Variants in MRC2 observed in about 807,000 individuals in gnomAD.
MRC2 encodes C-type mannose receptor 2.
In MRC2, 84 loss-of-function variants were observed where a neutral mutation model predicts 206.2. The observed-to-expected ratio is 0.41, with a 90% confidence interval of 0.34 to 0.49. The LOEUF is 0.49. Among genes scored for constraint, MRC2 ranks in the 20% least tolerant of loss-of-function variants. MRC2 has a pLI of 0.31. For missense variants in MRC2, 1,676 were observed against 2,001.5 expected, an observed-to-expected ratio of 0.84 and a Z score of 3.10; for synonymous variants, 798 against 800.0, an observed-to-expected ratio of 1.00 and a Z score of 0.04.
At chr17:62,678,233 T>C (rs750537837) in intron 12 of MRC2, among the ~76,000 whole-genome samples, 2 of 152,186 alleles carry the variant, frequency 1.3e-5, no homozygotes, top group Non-Finnish European at 1.5e-5. Context: ...AAGAAGGGAC[T>C]TACCCACGTT....
chr17:62,691,355 CCT>C (rs1329807389), intron 28 of MRC2, among the ~76,000 whole-genome samples: 1 of 152,196 alleles, frequency 6.6e-6, no homozygotes, highest in African/African-American at 2.4e-5. Flanking sequence ...TCAGCAACCC[CCT>C]GTCACTTTGT....
chr17:62,649,254 C>A (rs902402821), intron 1 of MRC2, among the ~76,000 whole-genome samples: 4 of 152,218 alleles, frequency 2.6e-5, no homozygotes, highest in Non-Finnish European at 4.4e-5. Context: ...AAAGGGAGAT[C>A]TTGAAGGTTC....
At chr17:62,654,448 C>T (rs1375463487) in intron 1 of MRC2, among the ~76,000 whole-genome samples, 3 of 151,822 alleles carry the variant, frequency 2.0e-5, no homozygotes, top group Non-Finnish European at 4.4e-5. Flanking sequence ...GTTGAGAGTC[C>T]GCTGCATGCC....
chr17:62,677,862 T>C (rs568873346), intron 12 of MRC2, among the ~76,000 whole-genome samples: 58 of 152,118 alleles, frequency 3.8e-4, no homozygotes, highest in Middle Eastern at 6.8e-3. Flanking sequence ...CCATCCTGGC[T>C]AACATGGTGA....
intron 1 of MRC2, 116 bp downstream of exon 1, chr17:62,628,036 CGTGT>C: frequency 1.6e-6 from 1 of 641,354 alleles, no homozygotes; most frequent in Non-Finnish European, 2.3e-6. Context: ...AGCGTGTGTG[CGTGT>C]GTGTGTGACT....
chr17:62,678,689 C>G (rs1317830099), intron 13 of MRC2, 43 bp downstream of exon 13: 1 of 1,584,182 alleles, frequency 6.3e-7, no homozygotes, highest in Non-Finnish European at 8.5e-7. Context: ...CACCCGCACA[C>G]GTGTAGGAGC....
chr17:62,633,126 T>A (rs1324059998), intron 1 of MRC2, among the ~76,000 whole-genome samples: 2 of 152,172 alleles, frequency 1.3e-5, no homozygotes, highest in African/African-American at 4.8e-5. Flanking sequence ...AATGAGATCA[T>A]GAACGTATGA....
chr17:62,673,830 A>T (rs1348014530), intron 8 of MRC2, among the ~76,000 whole-genome samples: 1 of 152,116 alleles, frequency 6.6e-6, no homozygotes, highest in African/African-American at 2.4e-5. Context: ...TCCCATTTAG[A>T]CAATGCTTGT....
chr17:62,690,613 G>A lies in MRC2; in HGVS notation c.3893-29G>A, dbSNP rs4968626. On this transcript the variant is annotated intron_variant, in intron 26 of 29. Transcript: ENST00000303375. Reference sequence around the variant, plus strand: ...CTCTGCCCCCCCCGGAGACCCATCCGCCCTGACGTGGGCCTTCTTTGCATC... The same window carrying A: ...CTCTGCCCCCCCCGGAGACCCATCCACCCTGACGTGGGCCTTCTTTGCATC... The A allele has an allele frequency of 5.7e-6, 9 of 1,573,132 alleles. No individual in the cohort carries two copies. The African/African-American group carries it at 8.1e-5, about 14-fold the overall frequency.
In MRC2 at chr17:62,680,465, C is replaced by A. The variant is rs778289569; in HGVS notation, c.2473+12C>A. 5 of 1,613,802 alleles carry A rather than the reference C, an allele frequency of 3.1e-6. No homozygotes were observed. Among genetic ancestry groups the A allele is most frequent in the Admixed American group, 3.3e-5 (2 of 60,000 alleles). On this transcript the variant is annotated intron_variant, in intron 16 of 29. Coordinates refer to ENST00000303375, the MANE Select transcript of MRC2 (RefSeq NM_006039.5). This position sits in a 1 kb window ranked among gnomAD's most constrained non-coding sequence, Gnocchi z 4.8. ...CGACAGCCCTCAAGGTGAGCACCCCCCAGCCCATCCCGCTACCCATCGCGT... is the reference window on the plus strand; with the variant it reads ...CGACAGCCCTCAAGGTGAGCACCCCACAGCCCATCCCGCTACCCATCGCGT...
chr17:62,677,860 G>C (rs2088913631), intron 12 of MRC2, among the ~76,000 whole-genome samples: 1 of 152,056 alleles, frequency 6.6e-6, no homozygotes, highest in Non-Finnish European at 1.5e-5. Flanking sequence ...GACCATCCTG[G>C]CTAACATGGT....
intron 12 of MRC2, 119 bp from the exon 13 acceptor site, chr17:62,678,385 T>G (rs7350907): frequency 0.36 from 498,719 of 1,369,620 alleles, 92,314 homozygotes; most frequent in African/African-American, 0.48. Context: ...TAGCTAGCCT[T>G]AGCCCCCTGT....
chr17:62,671,592 T>C lies in MRC2; in HGVS notation c.1118-57T>C. ...CCTGTGTTGACGTCAACCCAGTGGG[T>C]TGGTTCCCAGACTGGGCGGCTCAGT... On this transcript the variant is annotated intron_variant, in intron 6 of 29. Coordinates refer to ENST00000303375, the MANE Select transcript of MRC2 (RefSeq NM_006039.5). The surrounding 1 kb of genome is among the most constrained non-coding windows in gnomAD (Gnocchi z 4.5). 2 of 1,483,906 alleles carry C rather than the reference T, an allele frequency of 1.3e-6. No individual in the cohort carries two copies. The highest frequency in any genetic ancestry group is 2.3e-5 in the Admixed American group (1 of 44,142). 91.9% of individuals were successfully genotyped at this position (1,483,906 alleles called of 1,614,324 possible).
chr17:62,659,759 C>A (rs979061388), intron 1 of MRC2, among the ~76,000 whole-genome samples: 7 of 152,298 alleles, frequency 4.6e-5, no homozygotes, highest in Admixed American at 2.0e-4. Context: ...CCTGCCCCAA[C>A]CTACATTCCC....
intron 1 of MRC2, chr17:62,661,491 TTTCC>T (rs1316068219): frequency 1.3e-5 from 2 of 151,572 alleles, no homozygotes; most frequent in East Asian, 3.8e-4. Flanking sequence ...TTTTCTTTTC[TTTCC>T]TTCCTTCCTT....
rs1011148421 is a variant in MRC2 at position 62,692,570 on chromosome 17, G to A, written c.*119G>A. On this transcript the variant is annotated 3_prime_UTR_variant, in exon 30 of 30. Coordinates refer to ENST00000303375, the MANE Select transcript of MRC2 (RefSeq NM_006039.5). This position sits in a 1 kb window ranked among gnomAD's most constrained non-coding sequence, Gnocchi z 4.2. ...CTATGGAAGGGTGCCCTTGGGAGTC[G>A]CTGTTGGGAGCCGGAGCTGGGCAGA... 36 of 1,042,270 alleles carry A rather than the reference G, an allele frequency of 3.5e-5. 1 individual carries two copies. The Admixed American group carries it at 7.3e-4, about 21-fold the overall frequency. 64.6% of individuals were successfully genotyped at this position (1,042,270 alleles called of 1,614,324 possible).
chr17:62,654,314 C>T (rs1042398990), intron 1 of MRC2, among the ~76,000 whole-genome samples: 5 of 152,046 alleles, frequency 3.3e-5, no homozygotes, highest in Non-Finnish European at 5.9e-5. Flanking sequence ...CTGCCTGCAG[C>T]CTTTGCTCCT....
At chr17:62,678,446 G>T in intron 12 of MRC2, 58 bp from the exon 13 acceptor site, 1 of 1,574,906 alleles carries the variant, frequency 6.3e-7, no homozygotes, top group Non-Finnish European at 8.6e-7. Flanking sequence ...GGCAGTAGGT[G>T]CCCCCTGAGG....
chr17:62,675,204 C>G lies in MRC2; in HGVS notation c.1570-586C>G, dbSNP rs2088876135. ...GGGTCCATGGTTAACAGCCCAGGATCACCAGGGGTCTTGGCACAGCCCCTG... is the reference window on the plus strand; with the variant it reads ...GGGTCCATGGTTAACAGCCCAGGATGACCAGGGGTCTTGGCACAGCCCCTG... On this transcript the variant is annotated intron_variant, in intron 9 of 29. Transcript: ENST00000303375. This position sits in a 1 kb window ranked among gnomAD's most constrained non-coding sequence, Gnocchi z 4.1. 6.6e-6 allele frequency among the ~76,000 whole-genome samples: 1 copy of G among 152,160 alleles called. No individual in the cohort carries two copies.
Sources: allele counts gnomAD v4.1 joint callset (sites outside exome capture counted in the v4.1 genomes callset), GRCh38; gene constraint gnomAD v4.1.1; non-coding constraint Gnocchi (gnomAD v3.1); transcripts MANE v1.5; gene names NCBI Gene and HGNC (gene_info 2026-07-23, HGNC 2026-07-21).